The following AGT variants were observed in gnomAD, a reference collection of about 807,000 sequenced individuals.
AGT encodes alpha-1 antiproteinase, antitrypsin.
AGT carries 26 observed loss-of-function variants against 28.1 expected under a neutral mutation model. That is an observed-to-expected ratio of 0.92 (90% CI 0.68 to 1.28). The LOEUF is 1.28. Ranked by LOEUF, AGT falls within the 50% of genes most tolerant of loss-of-function variation. The pLI, the probability that AGT is intolerant of heterozygous loss-of-function variation, is 0.00. For synonymous variants in AGT, 259 were observed against 259.6 expected (o/e 1.00, Z 0.02); for missense variants, 596 against 592.3 (o/e 1.01, Z -0.06).
At chr1:230,735,230 C>T (rs1664136787) in intron 1 of AGT, among the ~76,000 whole-genome samples, 1 of 152,120 alleles carries the variant, frequency 6.6e-6, no homozygotes, top group Non-Finnish European at 1.5e-5. Context: ...CCTCCCAGAG[C>T]ATGGAAATCT....
intron 1 of AGT, among the ~76,000 whole-genome samples, chr1:230,721,486 C>A (rs562214712): frequency 5.3e-4 from 81 of 152,254 alleles, no homozygotes; most frequent in Non-Finnish European, 1.0e-3. Context: ...TGGGACACTG[C>A]TGTAAAGATA....
chr1:230,735,024 G>A (rs1042012737), intron 1 of AGT, among the ~76,000 whole-genome samples: 1 of 152,114 alleles, frequency 6.6e-6, no homozygotes, highest in Non-Finnish European at 1.5e-5. Flanking sequence ...ATAACTGGCT[G>A]TGTTTATCCC....
At chr1:230,704,368 C>T in intron 3 of AGT, 31 bp from the exon 4 acceptor site, 4 of 1,612,454 alleles carry the variant, frequency 2.5e-6, no homozygotes, top group South Asian at 1.1e-5. Flanking sequence ...TAGGAAGGCT[C>T]CAGGCCACAC....
intron 1 of AGT, among the ~76,000 whole-genome samples, chr1:230,733,126 AC>A (rs1380106084): frequency 6.6e-6 from 1 of 152,216 alleles, no homozygotes; most frequent in Non-Finnish European, 1.5e-5. Context: ...TACTAAAGAT[AC>A]AAAAAATTAG....
At chr1:230,734,344 T>C (rs1249377647) in intron 1 of AGT, among the ~76,000 whole-genome samples, 7 of 152,210 alleles carry the variant, frequency 4.6e-5, no homozygotes, top group Non-Finnish European at 1.0e-4. Context: ...AATAGTCAGA[T>C]TCATAGAGAC....
At chr1:230,720,133 G>GA (rs1663814770) in intron 1 of AGT, among the ~76,000 whole-genome samples, 1 of 152,110 alleles carries the variant, frequency 6.6e-6, no homozygotes, top group Non-Finnish European at 1.5e-5. Flanking sequence ...GGTCCCATGA[G>GA]AAAATTTCAA....
intron 2 of AGT, among the ~76,000 whole-genome samples, chr1:230,707,887 A>G (rs3789669): frequency 0.26 from 39,766 of 152,022 alleles, 5,918 homozygotes; most frequent in East Asian, 0.53. Context: ...CATGGAAACC[A>G]CCAGGGCCAG....
At chr1:230,740,119 A>G (rs941162838) in intron 1 of AGT, among the ~76,000 whole-genome samples, 1 of 152,194 alleles carries the variant, frequency 6.6e-6, no homozygotes, top group Non-Finnish European at 1.5e-5. Context: ...TTTTTAGACT[A>G]TAGAGGATGA....
At chr1:230,718,021 T>G (rs1295579685), upstream of AGT, among the ~76,000 whole-genome samples, 1 of 152,174 alleles carries the variant, frequency 6.6e-6, no homozygotes, top group Non-Finnish European at 1.5e-5. Flanking sequence ...TGGAGTGCAG[T>G]GGCATGATCA....
At chr1:230,721,593 A>T (rs1663844305) in intron 1 of AGT, among the ~76,000 whole-genome samples, 1 of 152,226 alleles carries the variant, frequency 6.6e-6, no homozygotes, top group Non-Finnish European at 1.5e-5. Context: ...AAAGTTTAGA[A>T]CTTCCTAGAG....
Position 230,710,339 on chromosome 1 carries a change from C to T in AGT, c.485G>A (p.Cys162Tyr), listed in dbSNP as rs1289553122. The change falls in exon 2 of 5, where the codon TGC (cysteine) becomes TAC (tyrosine). Residue 162 changes from cysteine to tyrosine, a missense_variant. Transcript: ENST00000366667. Reference protein sequence around the residue: ...ILGVPWKDKNCTSRLDAHKVL... With the variant: ...ILGVPWKDKNYTSRLDAHKVL... ...CTTGTGCGCATCCAGCCGGGAGGTG[C>T]AGTTCTTGTCCTTCCAAGGAACACC... is the stretch of plus-strand genomic sequence containing the variant. The T allele has an allele frequency of 6.2e-7, 1 of 1,614,142 alleles. No individual in the cohort carries two copies. Among genetic ancestry groups the T allele is most frequent in the South Asian group, 1.1e-5 (1 of 91,092 alleles).
upstream of AGT, among the ~76,000 whole-genome samples, chr1:230,718,469 G>C (rs1325484542): frequency 1.3e-5 from 2 of 151,934 alleles, no homozygotes; most frequent in African/African-American, 4.8e-5. Flanking sequence ...GTTGTACGCT[G>C]GATCTCTAGA....
chr1:230,712,284 C>T (rs1197776849), intron 1 of AGT, among the ~76,000 whole-genome samples: 1 of 152,144 alleles, frequency 6.6e-6, no homozygotes, highest in Non-Finnish European at 1.5e-5. Flanking sequence ...AGCTGGCTTC[C>T]CTCACCCAGA....
intron 1 of AGT, among the ~76,000 whole-genome samples, 160 bp from the exon 2 acceptor site, chr1:230,711,013 A>G (rs572962901): frequency 9.8e-5 from 15 of 152,342 alleles, no homozygotes; most frequent in African/African-American, 3.6e-4. Flanking sequence ...TCAAAGCTCC[A>G]TGGAAAATAT....
chr1:230,738,799 C>T (rs1664194406), intron 1 of AGT, among the ~76,000 whole-genome samples: 1 of 151,898 alleles, frequency 6.6e-6, no homozygotes, highest in Non-Finnish European at 1.5e-5. Flanking sequence ...GATGTATGTC[C>T]CATAACTAAA....
At chr1:230,715,736 T>G (rs1280128704), upstream of AGT, among the ~76,000 whole-genome samples, 3 of 152,188 alleles carry the variant, frequency 2.0e-5, no homozygotes, top group African/African-American at 7.2e-5. Flanking sequence ...AACAACCTTG[T>G]GCCCAGTGTT....
chr1:230,705,911 G>C, intron 3 of AGT, 22 bp downstream of exon 3: 1 of 1,613,526 alleles, frequency 6.2e-7, no homozygotes, highest in Non-Finnish European at 8.5e-7. Context: ...CCACATTCCA[G>C]GGGAGACCGG....
chr1:230,710,610 C>G lies in AGT; in HGVS notation c.214G>C (p.Glu72Gln). The change falls in exon 2 of 5, where the codon GAA (glutamate) becomes CAA (glutamine). Residue 72 changes from glutamate to glutamine, a missense_variant. Physicochemically the swap from Glu to Gln is conservative, Grantham distance 29 (BLOSUM62 2). Coordinates refer to ENST00000366667, the MANE Select transcript of AGT (RefSeq NM_001384479.1). ...ACCAGCTGGTCCTGTAGGGCCTTTT[C>G]ATCCACAGGGGATGTCTTGGCCTGA... is the stretch of plus-strand genomic sequence containing the variant. Reference protein sequence around the residue: ...PIQAKTSPVDEKALQDQLVLV... With the variant: ...PIQAKTSPVDQKALQDQLVLV... 6.2e-7 allele frequency: 1 copy of G among 1,614,258 alleles called. No homozygotes were observed. Among genetic ancestry groups the G allele is most frequent in the Non-Finnish European group, 8.5e-7 (1 of 1,180,050 alleles).
chr1:230,707,309 C>A (rs183398495), intron 2 of AGT, among the ~76,000 whole-genome samples: 1 of 152,196 alleles, frequency 6.6e-6, no homozygotes, highest in Non-Finnish European at 1.5e-5. Context: ...GCCTATTCTG[C>A]GGTTGTTCTT....
Sources: allele counts gnomAD v4.1 joint callset (sites outside exome capture counted in the v4.1 genomes callset), GRCh38; gene constraint gnomAD v4.1.1; transcripts MANE v1.5; gene names NCBI Gene and HGNC (gene_info 2026-07-23, HGNC 2026-07-21).